FAT1: variants seen among roughly 807,000 people sequenced by gnomAD.
The protein encoded by FAT1 is protocadherin Fat 1.
A neutral mutation model predicts 329.8 loss-of-function variants in FAT1; 171 were observed. The ratio of observed to expected loss-of-function variants is 0.52; its 90% CI spans 0.46 to 0.59. The LOEUF (loss-of-function observed/expected upper bound fraction) is 0.59, where lower values mean the gene tolerates loss of function less well. FAT1 is among the 20% of genes least tolerant of loss of function. The probability of loss-of-function intolerance (pLI) is 0.00; values close to 1 mark genes in which losing one functional copy is unlikely to be tolerated. For synonymous variants in FAT1, 2,233 were observed against 2,228.6 expected (o/e 1.00, Z -0.06); for missense variants, 5,672 against 5,774.4 (o/e 0.98, Z 0.57).
intron 3 of FAT1, among the ~76,000 whole-genome samples, chr4:186,647,002 T>G (rs1230492906): frequency 2.0e-5 from 3 of 152,222 alleles, no homozygotes; most frequent in Non-Finnish European, 4.4e-5. Flanking sequence ...AAATCTATGT[T>G]CATAAACAGT....
At chr4:186,650,619 C>T (rs970906908) in intron 3 of FAT1, among the ~76,000 whole-genome samples, 4 of 152,048 alleles carry the variant, frequency 2.6e-5, no homozygotes, top group African/African-American at 7.2e-5. Flanking sequence ...CTGTGCTCAC[C>T]CTGTGTTTAC....
intron 3 of FAT1, among the ~76,000 whole-genome samples, chr4:186,645,073 T>C (rs1006906049): frequency 6.6e-6 from 1 of 151,932 alleles, no homozygotes; most frequent in Non-Finnish European, 1.5e-5. Context: ...TGCCAGCAAC[T>C]CTGTGTTCCA....
chr4:186,643,977 T>C (rs966192274), intron 3 of FAT1, among the ~76,000 whole-genome samples: 2 of 152,156 alleles, frequency 1.3e-5, no homozygotes, highest in Non-Finnish European at 2.9e-5. Context: ...GAAAGATATA[T>C]ACTTAAAGGA....
In FAT1 at chr4:186,708,041, G is replaced by C. The variant is rs141619001; in HGVS notation, c.1787C>G (p.Ala596Gly). Reference sequence around the variant, plus strand: ...ATACTGTACCAACTGAAGTTCATCTGCATCAATAGCAGAAACAGTGGTTAT... The same window carrying C: ...ATACTGTACCAACTGAAGTTCATCTCCATCAATAGCAGAAACAGTGGTTAT... ...EQITTVSAID[A>G]DELQLVQYQI... Residue 596 changes from alanine (A) to glycine (G), a missense_variant, in exon 2 of 27, where the codon GCA (alanine) becomes GGA (glycine). Physicochemically the swap from Ala to Gly is moderately conservative, Grantham distance 60. Transcript: ENST00000441802. The C allele has an allele frequency of 4.3e-6, 7 of 1,613,954 alleles. No individual in the cohort carries two copies. The highest frequency in any genetic ancestry group is 5.9e-6 in the Non-Finnish European group (7 of 1,179,902).
chr4:186,603,114 A>AGGGAT (rs1488785489), intron 19 of FAT1, 62 bp downstream of exon 19: 1 of 1,608,258 alleles, frequency 6.2e-7, no homozygotes, highest in Non-Finnish European at 8.5e-7. Flanking sequence ...TAGCCATCAA[A>AGGGAT]GGCTTCAAAG....
chr4:186,645,956 A>G (rs915530436), intron 3 of FAT1, among the ~76,000 whole-genome samples: 1 of 113,100 alleles, frequency 8.8e-6, no homozygotes, highest in Admixed American at 8.8e-5. Context: ...AAAAAAAAAA[A>G]AAAAAAATAT....
At chr4:186,602,841 T>A in intron 20 of FAT1, 62 bp downstream of exon 20, 3 of 1,529,592 alleles carry the variant, frequency 2.0e-6, no homozygotes, top group Non-Finnish European at 2.7e-6. Flanking sequence ...AAGAAGAAAA[T>A]GGTAAGAAAC....
chr4:186,678,175 G>GTATTTGAAAAGCA (rs1743038816), intron 2 of FAT1, among the ~76,000 whole-genome samples: 1 of 152,062 alleles, frequency 6.6e-6, no homozygotes, highest in Admixed American at 6.5e-5. Flanking sequence ...GCAGTTGATG[G>GTATTTGAAAAGCA]TATTTGAAAA....
chr4:186,686,562 G>A (rs1481572022), intron 2 of FAT1, among the ~76,000 whole-genome samples: 2 of 152,052 alleles, frequency 1.3e-5, no homozygotes, highest in Non-Finnish European at 1.5e-5. Context: ...TGAATCTATT[G>A]CCTAAAGTCA....
chr4:186,700,771 C>T (rs1008765023), intron 2 of FAT1, among the ~76,000 whole-genome samples: 6 of 152,314 alleles, frequency 3.9e-5, no homozygotes, highest in East Asian at 3.9e-4. Flanking sequence ...ATAACAGAGT[C>T]CACCCGGTGG....
chr4:186,639,587 TAAC>T (rs1301007847), intron 4 of FAT1, 132 bp downstream of exon 4: 1 of 611,288 alleles, frequency 1.6e-6, no homozygotes, highest in African/African-American at 1.9e-5. Flanking sequence ...TCCTTTTTCC[TAAC>T]AACCAGTAAA....
chr4:186,721,523 T>A (rs182399714), intron 1 of FAT1, among the ~76,000 whole-genome samples: 66 of 152,368 alleles, frequency 4.3e-4, no homozygotes, highest in Admixed American at 4.1e-3. Context: ...TCATAAAGAT[T>A]AAACAGCACA....
rs763068221 is a variant in FAT1 at position 186,663,360 on chromosome 4, C to A, written c.3519G>T (p.Lys1173Asn). The change falls in exon 3 of 27, where the codon AAG (lysine) becomes AAT (asparagine). Residue 1173 changes from lysine to asparagine, a missense_variant. By Grantham distance (94) the Lys-to-Asn change is moderately conservative (BLOSUM62 0). Coordinates refer to ENST00000441802, the MANE Select transcript of FAT1 (RefSeq NM_005245.4). ...TTCCACTTGTAATTTTGTACATGAG[C>A]TTGTCATTAGAGCTCGAATCTGGAT... ...AFDPDSSSNDKLMYKITSGNP... is the reference protein window; with the variant it reads ...AFDPDSSSNDNLMYKITSGNP... The A allele has an allele frequency of 6.2e-7, 1 of 1,613,956 alleles. No homozygotes were observed. The highest frequency in any genetic ancestry group is 8.5e-7 in the Non-Finnish European group (1 of 1,179,866).
At chr4:186,700,653 A>C (rs1744263443) in intron 2 of FAT1, among the ~76,000 whole-genome samples, 1 of 152,204 alleles carries the variant, frequency 6.6e-6, no homozygotes, top group African/African-American at 2.4e-5. Flanking sequence ...TCCGTAGATC[A>C]TTCTTCAAAG....
Position 186,603,310 on chromosome 4 carries a change from G to T in FAT1, c.11216C>A (p.Ala3739Glu). 1 of 1,613,872 alleles carries T rather than the reference G, an allele frequency of 6.2e-7. No homozygotes were observed. The highest frequency in any genetic ancestry group is 8.5e-7 in the Non-Finnish European group (1 of 1,179,860). ...RILNVFQKLC[A>E]GLDCPWKFCD... ...GAACTTCCAGGGGCAGTCCAGTCCC[G>T]CGCAGAGTTTCTGGAATACATTCAG... is the stretch of plus-strand genomic sequence containing the variant. Residue 3739 changes from alanine to glutamate, a missense_variant, in exon 19 of 27, where the codon GCG becomes GAG. Transcript: ENST00000441802.
intron 9 of FAT1, among the ~76,000 whole-genome samples, chr4:186,624,644 A>G (rs1740212969): frequency 6.6e-6 from 1 of 152,184 alleles, no homozygotes; most frequent in Non-Finnish European, 1.5e-5. Flanking sequence ...TTTTTCCCTG[A>G]ATACTCCTAA....
Position 186,595,804 on chromosome 4 carries a change from G to C in FAT1, c.13023C>G (p.Pro4341=). The change falls in exon 26 of 27, where the codon CCC becomes CCG. Residue 4341 remains proline, a synonymous_variant. Transcript: ENST00000441802. ...DYDTKVVDLD[P]CLSKKPLEEK... is the part of the protein sequence containing the mutation. The stretch of plus-strand genomic sequence containing the variant: ...CCTCTAGAGGCTTCTTGGAAAGACA[G>C]GGATCAAGATCCACCACTTTTGCTA... 1 of 1,613,916 alleles carries C rather than the reference G, an allele frequency of 6.2e-7. No homozygotes were observed.
chr4:186,645,608 A>C (rs1741336285), intron 3 of FAT1, among the ~76,000 whole-genome samples: 1 of 151,480 alleles, frequency 6.6e-6, no homozygotes, highest in Non-Finnish European at 1.5e-5. Flanking sequence ...TAAAAGTGAA[A>C]GAAACCAGGG....
At chr4:186,627,884 A>G (rs1740390697) in intron 9 of FAT1, among the ~76,000 whole-genome samples, 2 of 152,190 alleles carry the variant, frequency 1.3e-5, no homozygotes, top group South Asian at 2.1e-4. Flanking sequence ...TTGGTCAAAT[A>G]AAGTTTCCTC....
Sources: gnomAD v4.1 joint callset for allele counts (sites outside exome capture counted in the v4.1 genomes callset) on GRCh38, gnomAD v4.1.1 for gene constraint, MANE v1.5 for transcripts, NCBI Gene and HGNC (gene_info 2026-07-23, HGNC 2026-07-21) for gene names.